Variants in CCSER1 observed in about 807,000 individuals in gnomAD.
CCSER1 encodes the protein coiled-coil serine rich protein 1, also known as serine-rich coiled-coil domain-containing protein 1.
In CCSER1, 41 loss-of-function variants were observed where a neutral mutation model predicts 82.0. That is an observed-to-expected ratio of 0.50 (90% confidence interval 0.39 to 0.65). The LOEUF (loss-of-function observed/expected upper bound fraction) is 0.65, where lower values mean the gene tolerates loss of function less well. CCSER1 is among the 30% of genes least tolerant of loss of function. The pLI, the probability that CCSER1 is intolerant of heterozygous loss-of-function variation, is 0.00. For missense variants in CCSER1, 1,119 were observed against 1,064.2 expected (o/e 1.05, Z -0.72); for synonymous variants, 414 against 383.9 (o/e 1.08, Z -0.92).
chr4:91,508,874 A>G lies in CCSER1; in HGVS notation c.2218-89698A>G, dbSNP rs1383258342. Among the ~76,000 whole-genome samples the G allele has an allele frequency of 2.6e-5, 4 of 151,926 alleles. No homozygotes were observed. The South Asian group carries it at 8.3e-4, about 32-fold the overall frequency. On this transcript the variant is annotated intron_variant, in intron 10 of 10. Coordinates refer to ENST00000509176, the MANE Select transcript of CCSER1 (RefSeq NM_001145065.2). Reference sequence around the variant, plus strand: ...TTTAGCTATATTACCTAATATTGGTATATGGTGATTCATAATATTTCCCCT... The same window carrying G: ...TTTAGCTATATTACCTAATATTGGTGTATGGTGATTCATAATATTTCCCCT...
chr4:90,167,623 C>T (rs780613698), intron 1 of CCSER1, among the ~76,000 whole-genome samples: 4 of 151,936 alleles, frequency 2.6e-5, no homozygotes, highest in East Asian at 1.9e-4. Flanking sequence ...ATCCCTCCCC[C>T]GTCCCCCCAC....
chr4:90,547,319 T>C (rs765775883), intron 5 of CCSER1, among the ~76,000 whole-genome samples: 1 of 152,072 alleles, frequency 6.6e-6, no homozygotes, highest in South Asian at 2.1e-4. Context: ...TTTACTCTTT[T>C]GAAACTGTTT....
chr4:91,540,063 T>A (rs1297255077), intron 10 of CCSER1, among the ~76,000 whole-genome samples: 1 of 152,106 alleles, frequency 6.6e-6, no homozygotes, highest in Non-Finnish European at 1.5e-5. Flanking sequence ...TTGTTTCACA[T>A]TTTTAAAAAT....
At chr4:90,353,996 G>A (rs1052598574) in intron 3 of CCSER1, among the ~76,000 whole-genome samples, 3 of 152,104 alleles carry the variant, frequency 2.0e-5, no homozygotes, top group East Asian at 1.9e-4. Context: ...TCTGCACGCC[G>A]TGTTCATTGC....
At chr4:90,664,408 A>G (rs528488089) in intron 6 of CCSER1, among the ~76,000 whole-genome samples, 2 of 152,192 alleles carry the variant, frequency 1.3e-5, no homozygotes, top group Admixed American at 6.5e-5. Flanking sequence ...AATTCCTACT[A>G]TATACTAACG....
intron 10 of CCSER1, among the ~76,000 whole-genome samples, chr4:91,491,772 A>G (rs2110071410): frequency 6.6e-6 from 1 of 152,184 alleles, no homozygotes; most frequent in Admixed American, 6.6e-5. Context: ...TACTCATGTG[A>G]CTACCCTACC....
intron 3 of CCSER1, among the ~76,000 whole-genome samples, chr4:90,340,628 T>G (rs939032123): frequency 2.0e-5 from 3 of 152,170 alleles, no homozygotes; most frequent in Non-Finnish European, 4.4e-5. Flanking sequence ...AATTTTAGAC[T>G]CTCAGTAATT....
rs1246163081 is a variant in CCSER1, at chr4:91,255,840, A to C, written c.2217+169846A>C. ...TTAATCTCTTAATCCCATTATCTTC[A>C]TAAACTGAGGATGTATGTCACCTCA... On this transcript the variant is annotated intron_variant, in intron 10 of 10. Transcript: ENST00000509176. Among the ~76,000 whole-genome samples the C allele has an allele frequency of 5.3e-5, 8 of 152,286 alleles. No homozygotes were observed. The East Asian group carries it at 1.5e-3, about 29-fold the overall frequency.
At chr4:91,316,397 G>A (rs886679014) in intron 10 of CCSER1, among the ~76,000 whole-genome samples, 17 of 151,916 alleles carry the variant, frequency 1.1e-4, no homozygotes, top group African/African-American at 2.9e-4. Flanking sequence ...ACAAAGACTC[G>A]AAGATTGTAG....
rs566784605 is a variant in CCSER1, at chr4:91,023,659, A to C, written c.2173-62291A>C. ...TACACCTTATACCAAAATTAATTCAAGTTGGATTAAAAGACTTAAATGTTA... is the reference window on the plus strand; with the variant it reads ...TACACCTTATACCAAAATTAATTCACGTTGGATTAAAAGACTTAAATGTTA... On this transcript the variant is annotated intron_variant, in intron 9 of 10. Transcript: ENST00000509176. Among the ~76,000 whole-genome samples the C allele has an allele frequency of 1.1e-4, 16 of 152,302 alleles. 1 individual carries two copies. In the South Asian group the frequency reaches 3.3e-3, roughly 32 times the overall value.
At chr4:90,883,849 C>T (rs1299739410) in intron 8 of CCSER1, among the ~76,000 whole-genome samples, 1 of 151,542 alleles carries the variant, frequency 6.6e-6, no homozygotes, top group Non-Finnish European at 1.5e-5. Flanking sequence ...TTGGCAAGGA[C>T]CTTATAAGGA....
At chr4:90,366,343 TA>T (rs1420744109) in intron 3 of CCSER1, among the ~76,000 whole-genome samples, 1 of 151,772 alleles carries the variant, frequency 6.6e-6, no homozygotes, top group Non-Finnish European at 1.5e-5. Context: ...CTTTTTCTTC[TA>T]ACAGAGAACT....
At chr4:90,995,247 T>C (rs893848365) in intron 9 of CCSER1, among the ~76,000 whole-genome samples, 7 of 152,162 alleles carry the variant, frequency 4.6e-5, no homozygotes, top group African/African-American at 1.7e-4. Flanking sequence ...CTAAAAGGAA[T>C]GAATGGTGTG....
At chr4:91,253,571 C>A (rs114925442) in intron 10 of CCSER1, among the ~76,000 whole-genome samples, 3,003 of 152,136 alleles carry the variant, frequency 0.02, 98 homozygotes, top group African/African-American at 0.066. Flanking sequence ...GGATTTAGTA[C>A]CCAAAAGGGA....
chr4:91,319,125 TA>T lies in CCSER1; in HGVS notation c.2217+233133del, dbSNP rs565245560. 2.7e-3 allele frequency: 727 copies of T among 269,054 alleles called. 6 individuals carry two copies. The highest frequency in any genetic ancestry group is 0.016 in the African/African-American group (676 of 42,622). 16.7% of individuals were successfully genotyped at this position (269,054 alleles called of 1,614,324 possible). A position where few individuals can be genotyped will look rare whatever the true frequency, so the allele number is the denominator to read the frequency against. On this transcript the variant is annotated intron_variant, in intron 10 of 10. Transcript: ENST00000509176. ...AAGACAGACGGTATCAGCTTCTGGATAATTTTTTCTAAAGGGAAAAAAATAA... is the reference window on the plus strand; with the variant it reads ...AAGACAGACGGTATCAGCTTCTGGATATTTTTTCTAAAGGGAAAAAAATAA...
In CCSER1 at chr4:90,243,259, AT is replaced by A. The variant is rs566835852; in HGVS notation, c.-41-64978del. Among the ~76,000 whole-genome samples, 612 of 150,730 alleles carry A rather than the reference AT, an allele frequency of 4.1e-3. 7 individuals are homozygous for A. Among genetic ancestry groups the A allele is most frequent in the African/African-American group, 0.014 (587 of 41,082 alleles). ...TTATTTACTTATTTATTTATTTACT[AT>A]TTTTTTGAGATGGAGTCTCGCTCTG... On this transcript the variant is annotated intron_variant, in intron 1 of 10. Transcript: ENST00000509176.
At chr4:90,830,076 T>A (rs1760941921) in intron 8 of CCSER1, among the ~76,000 whole-genome samples, 1 of 152,186 alleles carries the variant, frequency 6.6e-6, no homozygotes, top group African/African-American at 2.4e-5. Flanking sequence ...ACAGCCAAAT[T>A]ATCGTTTCTA....
At chr4:90,207,702 T>C (rs1474590527) in intron 1 of CCSER1, among the ~76,000 whole-genome samples, 1 of 152,196 alleles carries the variant, frequency 6.6e-6, no homozygotes, top group Non-Finnish European at 1.5e-5. Context: ...TTTTTGTTGA[T>C]GTTGATCCTA....
intron 1 of CCSER1, among the ~76,000 whole-genome samples, chr4:90,184,053 A>G (rs1009093716): frequency 2.0e-5 from 3 of 152,244 alleles, no homozygotes; most frequent in East Asian, 3.9e-4. Context: ...GTGTGCTTGA[A>G]GTATCTAGCA....
Sources: allele counts gnomAD v4.1 joint callset (sites outside exome capture counted in the v4.1 genomes callset), GRCh38; gene constraint gnomAD v4.1.1; transcripts MANE v1.5; gene names NCBI Gene and HGNC (gene_info 2026-07-23, HGNC 2026-07-21).